Variants in CNKSR2 observed in about 807,000 individuals in gnomAD.
CNKSR2 encodes CNK homolog protein 2.
A neutral mutation model predicts 84.4 loss-of-function variants in CNKSR2; 14 were observed. That is an observed-to-expected ratio of 0.17 (90% confidence interval 0.11 to 0.26). The LOEUF (loss-of-function observed/expected upper bound fraction) is 0.26, where lower values mean the gene tolerates loss of function less well. Among genes scored for constraint, CNKSR2 ranks in the 10% least tolerant of loss-of-function variants. The pLI is 1.00. For synonymous variants in CNKSR2, 275 were observed against 277.9 expected (o/e 0.99, Z 0.10); for missense variants, 485 against 771.2 (o/e 0.63, Z 4.40).
chrX:21,561,322 A>G (rs2092186772), intron 11 of CNKSR2, 149 bp from the exon 12 acceptor site: 2 of 503,649 alleles, frequency 4.0e-6, no homozygotes, highest in Admixed American at 6.7e-5. Flanking sequence ...TTCTGGCTCA[A>G]AACACATTTT....
chrX:21,625,375 A>C (rs1327726924), intron 20 of CNKSR2, among the ~76,000 whole-genome samples: 1 of 112,303 alleles, frequency 8.9e-6, no homozygotes, highest in South Asian at 3.6e-4. Context: ...AAAGTTTTAC[A>C]CATAGCAATA....
chrX:21,628,401 T>C (rs953930850), intron 20 of CNKSR2, among the ~76,000 whole-genome samples: 2 of 111,585 alleles, frequency 1.8e-5, no homozygotes, highest in African/African-American at 3.3e-5. Context: ...GGCTCCCCAG[T>C]AGGGACTCTG....
chrX:21,607,540 A>ACG (rs2092524852), intron 19 of CNKSR2, among the ~76,000 whole-genome samples: 1 of 111,538 alleles, frequency 9.0e-6, no homozygotes, highest in Admixed American at 9.5e-5. Flanking sequence ...ATGGTAGCTC[A>ACG]CGCGTCTAAT....
intron 10 of CNKSR2, among the ~76,000 whole-genome samples, chrX:21,530,827 T>A (rs1030139047): frequency 9.0e-6 from 1 of 111,066 alleles, no homozygotes; most frequent in African/African-American, 3.3e-5. Context: ...ACAAATGGAC[T>A]ATTTCTATCA....
chrX:21,601,668 C>T (rs2092483216), intron 18 of CNKSR2, among the ~76,000 whole-genome samples: 1 of 112,056 alleles, frequency 8.9e-6, no homozygotes, highest in South Asian at 3.7e-4. Flanking sequence ...TAGCAGTGAG[C>T]AATTTTTACT....
intron 4 of CNKSR2, among the ~76,000 whole-genome samples, chrX:21,469,502 T>C (rs919795762): frequency 9.0e-6 from 1 of 111,346 alleles, no homozygotes; most frequent in African/African-American, 3.3e-5. Flanking sequence ...AAAAATGAAA[T>C]GGAGTATCAT....
rs1483552588 is a variant in CNKSR2, at chrX:21,532,007, T to C, written c.1243T>C (p.Tyr415His). 1 of 1,203,276 alleles carries C rather than the reference T, an allele frequency of 8.3e-7. No homozygotes were observed. Among genetic ancestry groups the C allele is most frequent in the Non-Finnish European group, 1.1e-6 (1 of 888,981 alleles). The change falls in exon 11 of 22, where the codon TAT (tyrosine) becomes CAT (histidine). Residue 415 changes from tyrosine (Y) to histidine (H), a missense_variant. By Grantham distance (83) the Tyr-to-His change is moderately conservative. This residue lies in a region of CNKSR2 where 132 missense variants were observed against 166.7 expected (regional missense o/e 0.79). Coordinates refer to ENST00000379510, the MANE Select transcript of CNKSR2 (RefSeq NM_014927.5). Reference protein sequence around the residue: ...IVEEDTVLYCYEYEKGRSSSQ... With the variant: ...IVEEDTVLYCHEYEKGRSSSQ... ...CGAAGAAGATACTGTCTTATATTGCTATGAATATGAAAAAGGAAGATCAAG... is the reference window on the plus strand; with the variant it reads ...CGAAGAAGATACTGTCTTATATTGCCATGAATATGAAAAAGGAAGATCAAG...
intron 1 of CNKSR2, among the ~76,000 whole-genome samples, chrX:21,391,227 A>G (rs2090045820): frequency 8.9e-6 from 1 of 112,469 alleles, no homozygotes; most frequent in Non-Finnish European, 1.9e-5. Context: ...TCCTCTTCTC[A>G]CAGCTCCACT....
At chrX:21,616,524 T>G (rs1455721718) in intron 20 of CNKSR2, among the ~76,000 whole-genome samples, 2 of 112,042 alleles carry the variant, frequency 1.8e-5, no homozygotes, top group Non-Finnish European at 3.8e-5. Context: ...GGACTACATG[T>G]GTTCAGCATA....
chrX:21,489,918 A>C (rs1435303255), intron 5 of CNKSR2, among the ~76,000 whole-genome samples: 2 of 111,914 alleles, frequency 1.8e-5, no homozygotes, highest in Non-Finnish European at 3.8e-5. Context: ...GATTGTTCAT[A>C]GAATGCTGAG....
At chrX:21,591,259 G>T in intron 15 of CNKSR2, 65 bp downstream of exon 15, 1 of 956,234 alleles carries the variant, frequency 1.0e-6, no homozygotes, top group South Asian at 2.7e-5. Flanking sequence ...ATCATTTTGA[G>T]ACTTATATTT....
At chrX:21,536,997 T>C (rs1043399928) in intron 11 of CNKSR2, among the ~76,000 whole-genome samples, 2 of 110,740 alleles carry the variant, frequency 1.8e-5, no homozygotes, top group African/African-American at 6.5e-5. Context: ...GCTTTTTTGA[T>C]GTAGGCATTT....
chrX:21,602,984 C>T (rs182261723), intron 18 of CNKSR2, among the ~76,000 whole-genome samples: 170 of 111,967 alleles, frequency 1.5e-3, no homozygotes, highest in Non-Finnish European at 2.5e-3. Context: ...TACTACGAAC[C>T]TGAGCTTCAT....
intron 4 of CNKSR2, among the ~76,000 whole-genome samples, chrX:21,455,433 C>T (rs954545697): frequency 1.8e-5 from 2 of 111,715 alleles, no homozygotes; most frequent in Non-Finnish European, 3.8e-5. Flanking sequence ...CAGTATGTAA[C>T]CAATAAGTCA....
chrX:21,512,467 A>T (rs995202740), intron 8 of CNKSR2, among the ~76,000 whole-genome samples: 1 of 111,774 alleles, frequency 8.9e-6, no homozygotes, highest in Admixed American at 9.6e-5. Flanking sequence ...CTGTTTGAGG[A>T]TTGGTTATTT....
intron 5 of CNKSR2, among the ~76,000 whole-genome samples, chrX:21,488,319 T>C (rs2091406879): frequency 8.9e-6 from 1 of 112,279 alleles, no homozygotes; most frequent in Admixed American, 9.5e-5. Context: ...ATTGAACTCT[T>C]TTTAATGCAT....
intron 4 of CNKSR2, among the ~76,000 whole-genome samples, chrX:21,459,410 GTATT>G (rs2091034251): frequency 9.0e-6 from 1 of 111,574 alleles, no homozygotes; most frequent in South Asian, 3.7e-4. Context: ...AAGATGGAAA[GTATT>G]AGATATATTC....
At chrX:21,423,114 C>T (rs1251670937) in intron 1 of CNKSR2, among the ~76,000 whole-genome samples, 1 of 111,378 alleles carries the variant, frequency 9.0e-6, no homozygotes, top group Non-Finnish European at 1.9e-5. Context: ...ATATATTAAA[C>T]AAAGACCTTA....
intron 1 of CNKSR2, among the ~76,000 whole-genome samples, chrX:21,382,537 G>A (rs868652635): frequency 1.8e-5 from 2 of 110,495 alleles, no homozygotes; most frequent in African/African-American, 3.3e-5. Flanking sequence ...ATGCATGATG[G>A]AGTGAAATTG....
Sources: gnomAD v4.1 joint callset for allele counts (sites outside exome capture counted in the v4.1 genomes callset) on GRCh38, gnomAD v4.1.1 for gene constraint, gnomAD v4.1.1 regional missense constraint, MANE v1.5 for transcripts, NCBI Gene and HGNC (gene_info 2026-07-23, HGNC 2026-07-21) for gene names.